PRELID2: variants seen among roughly 807,000 people sequenced by gnomAD.
PRELID2 encodes PRELI domain containing 2.
In PRELID2, 25 loss-of-function variants were observed where a neutral mutation model predicts 28.4. The ratio of observed to expected loss-of-function variants is 0.88; its 90% CI spans 0.64 to 1.23. The LOEUF (loss-of-function observed/expected upper bound fraction) is 1.23, where lower values mean the gene tolerates loss of function less well. Among genes scored for constraint, PRELID2 ranks in the 50% most tolerant of loss-of-function variants. PRELID2 has a pLI of 0.00. For missense variants in PRELID2, 201 were observed against 214.4 expected (o/e 0.94, Z 0.39); for synonymous variants, 76 against 71.6 (o/e 1.06, Z -0.31).
intron 1 of PRELID2, among the ~76,000 whole-genome samples, chr5:145,742,911 A>G (rs1756875445): frequency 6.6e-6 from 1 of 152,130 alleles, no homozygotes; most frequent in South Asian, 2.1e-4. Context: ...GGTTATCACT[A>G]AAAACCAGGC....
Position 145,761,871 on chromosome 5 carries a change from C to T in PRELID2, c.*11-1346G>A, listed in dbSNP as rs138520615. The stretch of plus-strand genomic sequence containing the variant: ...CACATGAAAACAGTAGTACCCCCAC[C>T]TACAACCACCCCCTCCATTTTCCAT... On this transcript the variant is annotated intron_variant, in intron 6 of 6. Transcript: ENST00000683046. 7.2e-5 allele frequency among the ~76,000 whole-genome samples: 11 copies of T among 152,082 alleles called. No homozygotes were observed. In the East Asian group the frequency reaches 2.1e-3, roughly 29 times the overall value.
chr5:145,509,615 C>T (rs1752443725), intron 1 of PRELID2, among the ~76,000 whole-genome samples: 2 of 152,302 alleles, frequency 1.3e-5, no homozygotes, highest in African/African-American at 4.8e-5. Flanking sequence ...TCACAAAGTG[C>T]ACAGTCATTA....
chr5:145,512,203 C>A (rs758677424), intron 1 of PRELID2, among the ~76,000 whole-genome samples: 24 of 152,132 alleles, frequency 1.6e-4, no homozygotes, highest in Admixed American at 4.6e-4. Flanking sequence ...CAGCTCCCAG[C>A]GAGATCAACA....
At chr5:145,411,646 G>A in the PRELID2 span, among the ~76,000 whole-genome samples, 4 of 152,300 alleles carry the variant, frequency 2.6e-5, no homozygotes, top group East Asian at 5.8e-4. Flanking sequence ...CCATTCTGGT[G>A]TCTAGAGGAT....
At chr5:145,597,423 A>T (rs1019652604) in intron 1 of PRELID2, among the ~76,000 whole-genome samples, 1 of 152,180 alleles carries the variant, frequency 6.6e-6, no homozygotes, top group Admixed American at 6.6e-5. Flanking sequence ...GAACTAATCC[A>T]TTGGCATGAA....
chr5:145,751,357 G>A (rs2116746), downstream of PRELID2, among the ~76,000 whole-genome samples: 1 of 152,270 alleles, frequency 6.6e-6, no homozygotes, highest in African/African-American at 2.4e-5. Flanking sequence ...CCTCAATCAC[G>A]GCTTCTCTAA....
At chr5:145,269,888 G>T in the PRELID2 span, among the ~76,000 whole-genome samples, 2 of 145,352 alleles carry the variant, frequency 1.4e-5, no homozygotes, top group Non-Finnish European at 1.5e-5. Flanking sequence ...ATATATATAT[G>T]TATACACACA....
At chr5:145,551,176 G>A (rs982737533) in intron 1 of PRELID2, among the ~76,000 whole-genome samples, 32 of 152,048 alleles carry the variant, frequency 2.1e-4, no homozygotes, top group African/African-American at 6.8e-4. Context: ...GCCGAGGGGG[G>A]CAGATCACAA....
intron 1 of PRELID2, among the ~76,000 whole-genome samples, chr5:145,475,758 G>A (rs990176875): frequency 9.2e-5 from 14 of 152,068 alleles, no homozygotes; most frequent in Non-Finnish European, 1.9e-4. Flanking sequence ...ATTAGACAGA[G>A]TTCACATGCT....
At chr5:145,781,759 A>G (rs904410545) in intron 5 of PRELID2, among the ~76,000 whole-genome samples, 8 of 142,788 alleles carry the variant, frequency 5.6e-5, no homozygotes, top group Non-Finnish European at 7.4e-5. Flanking sequence ...CTATATATAT[A>G]CACTATATAT....
chr5:145,423,091 C>T, the PRELID2 span, among the ~76,000 whole-genome samples: 43 of 151,578 alleles, frequency 2.8e-4, no homozygotes, highest in African/African-American at 6.8e-4. Context: ...TGTAGGGTTT[C>T]TGCCGAGAGA....
intron 1 of PRELID2, among the ~76,000 whole-genome samples, chr5:145,547,213 A>G (rs1752795524): frequency 6.6e-6 from 1 of 152,190 alleles, no homozygotes; most frequent in South Asian, 2.1e-4. Context: ...ACTATTCATT[A>G]TAACCAAATT....
chr5:145,345,806 A>G, the PRELID2 span, among the ~76,000 whole-genome samples: 1 of 152,028 alleles, frequency 6.6e-6, no homozygotes, highest in Non-Finnish European at 1.5e-5. Flanking sequence ...CAAAATTTCA[A>G]CTACCACCAC....
chr5:145,230,146 G>T, the PRELID2 span: 2 of 475,514 alleles, frequency 4.2e-6, no homozygotes, highest in African/African-American at 2.0e-5. Flanking sequence ...ATTGTGCCTT[G>T]TTCTCCCCAG....
chr5:145,307,824 C>T, the PRELID2 span, among the ~76,000 whole-genome samples: 2 of 152,178 alleles, frequency 1.3e-5, no homozygotes, highest in African/African-American at 2.4e-5. Flanking sequence ...AGGTCATTTG[C>T]TTTTGTCATT....
the PRELID2 span, among the ~76,000 whole-genome samples, chr5:145,262,676 C>A: frequency 2.2e-4 from 33 of 152,070 alleles, no homozygotes; most frequent in Non-Finnish European, 4.4e-4. Context: ...ATTACAAGAA[C>A]TGCTAAAAGA....
At chr5:145,666,305 C>G (rs761741140) in intron 1 of PRELID2, among the ~76,000 whole-genome samples, 4 of 151,984 alleles carry the variant, frequency 2.6e-5, no homozygotes, top group Non-Finnish European at 4.4e-5. Flanking sequence ...TCACTGTGAC[C>G]AAGAAAAGTG....
chr5:145,694,566 G>A (rs992458111), intron 1 of PRELID2, among the ~76,000 whole-genome samples: 4 of 152,162 alleles, frequency 2.6e-5, no homozygotes, highest in African/African-American at 7.2e-5. Context: ...TATTGTATTT[G>A]AAGAATTTGA....
intron 6 of PRELID2, among the ~76,000 whole-genome samples, chr5:145,761,548 T>C (rs912039550): frequency 5.3e-5 from 8 of 152,130 alleles, no homozygotes; most frequent in Non-Finnish European, 7.3e-5. Flanking sequence ...GGCCAAACAA[T>C]CACCACAACA....
Sources: allele counts gnomAD v4.1 joint callset (sites outside exome capture counted in the v4.1 genomes callset), GRCh38; gene constraint gnomAD v4.1.1; transcripts MANE v1.5; gene names NCBI Gene and HGNC (gene_info 2026-07-23, HGNC 2026-07-21).